The following SLC24A2 variants were observed in gnomAD, a reference collection of about 807,000 sequenced individuals.
SLC24A2 encodes the protein solute carrier family 24 member 2, also known as sodium/potassium/calcium exchanger 2.
A neutral mutation model predicts 62.0 loss-of-function variants in SLC24A2; 36 were observed. The ratio of observed to expected loss-of-function variants is 0.58; its 90% CI spans 0.44 to 0.77. The LOEUF is 0.77. Among genes scored for constraint, SLC24A2 ranks in the 30% least tolerant of loss-of-function variants. SLC24A2 has a pLI of 0.00. For synonymous variants in SLC24A2, 358 were observed against 294.0 expected, an observed-to-expected ratio of 1.22 and a Z score of -2.23; for missense variants, 846 against 817.9, an observed-to-expected ratio of 1.03 and a Z score of -0.42.
the SLC24A2 span, among the ~76,000 whole-genome samples, chr9:20,174,107 T>G: frequency 6.6e-6 from 1 of 151,876 alleles, no homozygotes; most frequent in Non-Finnish European, 1.5e-5. Context: ...GGAAAGGACA[T>G]CCTATTCAAC....
chr9:20,192,181 G>A, the SLC24A2 span, among the ~76,000 whole-genome samples: 2 of 152,108 alleles, frequency 1.3e-5, no homozygotes, highest in African/African-American at 4.8e-5. Context: ...AGAGGTAACT[G>A]CTTAAGCAAA....
intron 7 of SLC24A2, among the ~76,000 whole-genome samples, chr9:19,558,715 C>T (rs1300710924): frequency 6.6e-6 from 1 of 152,206 alleles, no homozygotes; most frequent in Non-Finnish European, 1.5e-5. Context: ...AGAATATGCA[C>T]AACAAAAACA....
chr9:20,076,370 G>C, the SLC24A2 span, among the ~76,000 whole-genome samples: 1 of 152,036 alleles, frequency 6.6e-6, no homozygotes, highest in Non-Finnish European at 1.5e-5. Flanking sequence ...TGACTCTCCT[G>C]GTGTGATGCT....
the SLC24A2 span, among the ~76,000 whole-genome samples, chr9:20,258,987 T>TGGTTAAAG: frequency 2.5e-4 from 38 of 152,154 alleles, no homozygotes; most frequent in Non-Finnish European, 2.6e-4. Flanking sequence ...ATTATCTGGG[T>TGGTTAAAG]GGTTAAAGGG....
the SLC24A2 span, among the ~76,000 whole-genome samples, chr9:20,153,798 T>C: frequency 7.7e-4 from 117 of 152,106 alleles, no homozygotes; most frequent in African/African-American, 2.7e-3. Flanking sequence ...GTTAACTGCA[T>C]TGTTTTGGAA....
chr9:20,307,181 G>T, the SLC24A2 span, among the ~76,000 whole-genome samples: 3 of 152,000 alleles, frequency 2.0e-5, no homozygotes, highest in African/African-American at 4.8e-5. Flanking sequence ...ACCATAAAAA[G>T]GTACACACAA....
the SLC24A2 span, among the ~76,000 whole-genome samples, chr9:19,931,984 G>C: frequency 6.6e-6 from 1 of 151,972 alleles, no homozygotes; most frequent in Non-Finnish European, 1.5e-5. Context: ...AAGAGAATTA[G>C]TTTTGTTAAT....
chr9:19,544,354 C>T (rs897450131), intron 8 of SLC24A2, among the ~76,000 whole-genome samples: 2 of 150,436 alleles, frequency 1.3e-5, no homozygotes, highest in Non-Finnish European at 3.0e-5. Flanking sequence ...CTCCTGAATA[C>T]AGCCACTGAT....
the SLC24A2 span, among the ~76,000 whole-genome samples, chr9:20,293,313 G>C: frequency 6.6e-6 from 1 of 152,204 alleles, no homozygotes; most frequent in Non-Finnish European, 1.5e-5. Context: ...CAGAAAGGTA[G>C]GGTTGGCTCC....
At chr9:19,709,755 TG>T (rs1820657049) in intron 2 of SLC24A2, among the ~76,000 whole-genome samples, 1 of 68,356 alleles carries the variant, frequency 1.5e-5, no homozygotes, top group South Asian at 6.6e-4. Context: ...TGTTGTGGTG[TG>T]GGGGGTGGGG....
the SLC24A2 span, among the ~76,000 whole-genome samples, chr9:20,036,109 C>T: frequency 1.8e-4 from 27 of 152,172 alleles, no homozygotes; most frequent in Middle Eastern, 3.4e-3. Context: ...GAAAAGAAAC[C>T]GAAGTAGATT....
At chr9:19,535,732 A>G (rs1021370482) in intron 8 of SLC24A2, among the ~76,000 whole-genome samples, 2 of 152,144 alleles carry the variant, frequency 1.3e-5, no homozygotes, top group African/African-American at 2.4e-5. Flanking sequence ...TGGTACCAGT[A>G]CCATGCTGTT....
the SLC24A2 span, among the ~76,000 whole-genome samples, chr9:19,999,067 G>T: frequency 1.3e-5 from 2 of 152,290 alleles, no homozygotes; most frequent in African/African-American, 4.8e-5. Flanking sequence ...GTGTAAGATG[G>T]GGATCCCCAA....
At chr9:20,149,780 G>A in the SLC24A2 span, among the ~76,000 whole-genome samples, 1 of 151,972 alleles carries the variant, frequency 6.6e-6, no homozygotes, top group Non-Finnish European at 1.5e-5. Flanking sequence ...TTTGGCCCAC[G>A]GGCTAGTTTG....
At chr9:19,538,650 T>C (rs968137644) in intron 8 of SLC24A2, among the ~76,000 whole-genome samples, 1 of 121,704 alleles carries the variant, frequency 8.2e-6, no homozygotes, top group African/African-American at 3.3e-5. Context: ...ATCAAGGATA[T>C]TGGTGTAAAA....
chr9:19,610,368 G>A (rs886940951), intron 4 of SLC24A2, among the ~76,000 whole-genome samples: 5 of 152,082 alleles, frequency 3.3e-5, no homozygotes, highest in African/African-American at 1.2e-4. Context: ...AGGAATGAAT[G>A]GTTAAAACAA....
chr9:20,188,465 A>G, the SLC24A2 span, among the ~76,000 whole-genome samples: 1 of 152,248 alleles, frequency 6.6e-6, no homozygotes, highest in African/African-American at 2.4e-5. Context: ...TGTGGTAAGC[A>G]GAATAATGGC....
At chr9:20,031,217 TAC>T in the SLC24A2 span, among the ~76,000 whole-genome samples, 2 of 150,464 alleles carry the variant, frequency 1.3e-5, no homozygotes, top group East Asian at 2.0e-4. Flanking sequence ...ACTTTGCACA[TAC>T]ACACACACCC....
chr9:19,731,515 C>CT (rs762029806), intron 2 of SLC24A2, among the ~76,000 whole-genome samples: 42,136 of 128,604 alleles, frequency 0.33, 6,542 homozygotes, highest in African/African-American at 0.46. Flanking sequence ...CTCTCTCTCT[C>CT]CGTGTGTGTG....
Sources: gnomAD v4.1 joint callset for allele counts (sites outside exome capture counted in the v4.1 genomes callset) on GRCh38, gnomAD v4.1.1 for gene constraint, MANE v1.5 for transcripts, NCBI Gene and HGNC (gene_info 2026-07-23, HGNC 2026-07-21) for gene names.